Variants in IARS1 observed in about 807,000 individuals in gnomAD.
IARS1 encodes isoleucine--tRNA ligase, cytoplasmic.
In IARS1, 124 loss-of-function variants were observed where a neutral mutation model predicts 168.2. The observed-to-expected ratio is 0.74, with a 90% confidence interval of 0.64 to 0.86. The LOEUF is 0.86. Among genes scored for constraint, IARS1 ranks in the 40% least tolerant of loss-of-function variants. The pLI is 0.00. For synonymous variants in IARS1, 532 were observed against 529.4 expected (o/e 1.00, Z -0.07); for missense variants, 1,452 against 1,515.8 (o/e 0.96, Z 0.70).
chr9:92,213,746 T>C (rs866127770), intron 33 of IARS1, among the ~76,000 whole-genome samples: 1 of 152,220 alleles, frequency 6.6e-6, no homozygotes, highest in African/African-American at 2.4e-5. Flanking sequence ...TAGCTTTGTT[T>C]TGGAGTAGGG....
intron 20 of IARS1, among the ~76,000 whole-genome samples, chr9:92,254,255 A>T (rs1830417217): frequency 6.6e-6 from 1 of 152,242 alleles, no homozygotes; most frequent in African/African-American, 2.4e-5. Context: ...ATCAAGTAGG[A>T]AAGAAAGGGT....
intron 30 of IARS1, among the ~76,000 whole-genome samples, chr9:92,229,358 T>TACACACACACACACACACACACAC (rs113517739): frequency 1.4e-5 from 2 of 144,830 alleles, no homozygotes; most frequent in African/African-American, 5.2e-5. Flanking sequence ...ATATATACAC[T>TACACACACACACACACACACACAC]ACACACACAC....
intron 10 of IARS1, 45 bp downstream of exon 10, chr9:92,274,381 G>T: frequency 6.9e-7 from 1 of 1,441,852 alleles, no homozygotes; most frequent in Non-Finnish European, 9.8e-7. Context: ...ATGAAAAGTG[G>T]CTACCGACAT....
At chr9:92,259,860 G>C (rs1228333159) in intron 18 of IARS1, among the ~76,000 whole-genome samples, 1 of 152,226 alleles carries the variant, frequency 6.6e-6, no homozygotes, top group Non-Finnish European at 1.5e-5. Context: ...TAGAAAGGAA[G>C]TAAGGCAGAG....
intron 15 of IARS1, 103 bp from the exon 16 acceptor site, chr9:92,265,226 C>A: frequency 2.0e-6 from 2 of 1,017,398 alleles, no homozygotes; most frequent in Non-Finnish European, 2.8e-6. Flanking sequence ...ATATTATACA[C>A]ATTTGCAAAC....
chr9:92,247,643 G>C (rs781145258), intron 25 of IARS1, 92 bp from the exon 26 acceptor site: 8 of 1,104,826 alleles, frequency 7.2e-6, no homozygotes, highest in Non-Finnish European at 1.0e-5. Context: ...ATTCCTAACT[G>C]CCAGAAAGCA....
At chr9:92,221,222 A>C (rs1409632329) in intron 33 of IARS1, among the ~76,000 whole-genome samples, 1 of 152,206 alleles carries the variant, frequency 6.6e-6, no homozygotes, top group Non-Finnish European at 1.5e-5. Context: ...GAGGTAGGAT[A>C]GAGTGAGAAA....
intron 14 of IARS1, among the ~76,000 whole-genome samples, chr9:92,267,455 C>T (rs1428829088): frequency 6.6e-6 from 1 of 152,190 alleles, no homozygotes; most frequent in South Asian, 2.1e-4. Context: ...TATAGTAAGT[C>T]CTCGCCTGAT....
At chr9:92,292,885 T>C (rs1193870401) in intron 1 of IARS1, among the ~76,000 whole-genome samples, 1 of 152,258 alleles carries the variant, frequency 6.6e-6, no homozygotes, top group Non-Finnish European at 1.5e-5. Context: ...TGCTTCCCTT[T>C]TAAACTACTG....
chr9:92,271,211 C>T, intron 11 of IARS1, 135 bp from the exon 12 acceptor site: 1 of 610,686 alleles, frequency 1.6e-6, no homozygotes, highest in Non-Finnish European at 2.7e-6. Flanking sequence ...TAGTCACTAA[C>T]TTTAAGTAAT....
chr9:92,285,998 T>C (rs767425497), intron 5 of IARS1, 159 bp from the exon 6 acceptor site: 3 of 565,714 alleles, frequency 5.3e-6, no homozygotes, highest in East Asian at 2.8e-5. Context: ...CAGATCAATA[T>C]AGTAAGACAT....
At chr9:92,283,714 G>A (rs751714161) in intron 6 of IARS1, among the ~76,000 whole-genome samples, 2 of 152,080 alleles carry the variant, frequency 1.3e-5, no homozygotes, top group South Asian at 2.1e-4. Context: ...CAACTGAAAC[G>A]TGTACAAGAC....
At chr9:92,224,889 C>T (rs1383815658) in intron 31 of IARS1, among the ~76,000 whole-genome samples, 1 of 151,864 alleles carries the variant, frequency 6.6e-6, no homozygotes, top group African/African-American at 2.4e-5. Flanking sequence ...TCTATTCTGC[C>T]GCCAGCCACT....
chr9:92,271,977 G>A (rs1833106762), intron 10 of IARS1, among the ~76,000 whole-genome samples: 1 of 152,130 alleles, frequency 6.6e-6, no homozygotes, highest in Non-Finnish European at 1.5e-5. Flanking sequence ...ATAAAGAATG[G>A]CTACTCCATA....
chr9:92,215,804 C>A (rs1400315947), intron 33 of IARS1, among the ~76,000 whole-genome samples: 4 of 151,826 alleles, frequency 2.6e-5, no homozygotes, highest in Non-Finnish European at 4.4e-5. Context: ...GACTGGTGTA[C>A]CTGAAAGTGA....
At chr9:92,252,758 CCTT>C (rs910045081) in intron 21 of IARS1, among the ~76,000 whole-genome samples, 2 of 76,076 alleles carry the variant, frequency 2.6e-5, no homozygotes, top group African/African-American at 1.6e-4. Context: ...GAGTGAAACT[CCTT>C]CTCAAAAAAA....
intron 18 of IARS1, among the ~76,000 whole-genome samples, chr9:92,259,836 C>T (rs570717310): frequency 2.6e-5 from 4 of 152,248 alleles, no homozygotes; most frequent in Non-Finnish European, 5.9e-5. Context: ...CTAATACCAA[C>T]AAGACAGGGA....
intron 10 of IARS1, among the ~76,000 whole-genome samples, chr9:92,272,224 C>G (rs1391003277): frequency 2.6e-5 from 4 of 152,212 alleles, no homozygotes; most frequent in African/African-American, 9.6e-5. Context: ...AAGAGATTGC[C>G]TTATGTTGGT....
Position 92,287,826 on chromosome 9 carries a change from G to A in IARS1, c.361C>T (p.Arg121Ter), listed in dbSNP as rs1835691571. ...MGITEYNNQC[R>*]AIVMRYSAEW... Reference sequence around the variant, plus strand: ...GCAGAATATCTCATCACAATTGCTCGGCACTGATTGTTATACTCTGTAATC... The same window carrying A: ...GCAGAATATCTCATCACAATTGCTCAGCACTGATTGTTATACTCTGTAATC... Residue 121 changes from arginine (R) to a stop codon, truncating the protein, a stop_gained, in exon 4 of 34, where the codon CGA becomes TGA. Coordinates refer to ENST00000443024, the MANE Select transcript of IARS1 (RefSeq NM_002161.6). LOFTEE classifies it high-confidence loss of function. 6 of 1,613,478 alleles carry A rather than the reference G, an allele frequency of 3.7e-6. No homozygotes were observed. Among genetic ancestry groups the A allele is most frequent in the Non-Finnish European group, 5.1e-6 (6 of 1,179,780 alleles).
Sources: gnomAD v4.1 joint callset for allele counts (sites outside exome capture counted in the v4.1 genomes callset) on GRCh38, gnomAD v4.1.1 for gene constraint, MANE v1.5 for transcripts, NCBI Gene and HGNC (gene_info 2026-07-23, HGNC 2026-07-21) for gene names.